The following RERE variants were observed in gnomAD, a reference collection of about 807,000 sequenced individuals.
RERE encodes the protein arginine-glutamic acid dipeptide repeats.
A neutral mutation model predicts 146.1 loss-of-function variants in RERE; 40 were observed. That is an observed-to-expected ratio of 0.27 (90% CI 0.21 to 0.36). The LOEUF is 0.36. Ranked by LOEUF, RERE falls within the 10% of genes least tolerant of loss-of-function variation. The pLI is 1.00. For missense variants in RERE, 1,933 were observed against 2,138.7 expected, an observed-to-expected ratio of 0.90 and a Z score of 1.90; for synonymous variants, 1,003 against 866.0, an observed-to-expected ratio of 1.16 and a Z score of -2.78.
intron 1 of RERE, among the ~76,000 whole-genome samples, chr1:8,735,280 G>A (rs921563227): frequency 4.6e-5 from 7 of 152,180 alleles, no homozygotes; most frequent in African/African-American, 1.7e-4. Context: ...CCTTCCAGCA[G>A]TTAGCATAAG....
At position 8,436,863 on chromosome 1, in the gene RERE, C is replaced by T. The variant is rs573615258; in HGVS notation, c.1204-14056G>A. Among the ~76,000 whole-genome samples the T allele has an allele frequency of 1.3e-3, 192 of 152,312 alleles. 7 individuals are homozygous for T. In the South Asian group the frequency reaches 0.039, roughly 31 times the overall value. On this transcript the variant is annotated intron_variant, in intron 11 of 22. Transcript: ENST00000400908. ...ATTTTACACTGACCGTGCATCTACA[C>T]TTGGGCCAGCACATTGCAGATGCTC...
At chr1:8,541,142 C>T (rs1645795290) in intron 7 of RERE, 72 bp downstream of exon 7, 1 of 800,158 alleles carries the variant, frequency 1.2e-6, no homozygotes, top group Non-Finnish European at 2.1e-6. Flanking sequence ...TACACACACA[C>T]ACACATACAC....
At chr1:8,426,134 T>C (rs1293282364) in intron 11 of RERE, among the ~76,000 whole-genome samples, 2 of 152,156 alleles carry the variant, frequency 1.3e-5, no homozygotes, top group East Asian at 1.9e-4. Flanking sequence ...CAATGTCAAA[T>C]CATAAAGTCC....
chr1:8,538,366 G>A lies in RERE; in HGVS notation c.830+2848C>T, dbSNP rs576833789. On this transcript the variant is annotated intron_variant, in intron 7 of 22. Transcript: ENST00000400908. ...TCATACAGCCTCCTCCCTCACAAAC[G>A]TGAAACAAAGACAGAAACAGAGGTA... 5.3e-5 allele frequency among the ~76,000 whole-genome samples: 8 copies of A among 152,262 alleles called. No individual in the cohort carries two copies. In the South Asian group the frequency reaches 1.5e-3, roughly 28 times the overall value.
intron 12 of RERE, among the ~76,000 whole-genome samples, chr1:8,394,715 T>G (rs1261789967): frequency 6.6e-6 from 1 of 152,124 alleles, no homozygotes; most frequent in African/African-American, 2.4e-5. Context: ...AGTCACCCAA[T>G]TGCTTCAGAA....
At position 8,509,450 on chromosome 1, in the gene RERE, G is replaced by A. The variant is rs868775106; in HGVS notation, c.831-775C>T. 3.0e-3 allele frequency among the ~76,000 whole-genome samples: 434 copies of A among 143,698 alleles called. 2 individuals carry two copies. The highest frequency in any genetic ancestry group is 0.011 in the African/African-American group (416 of 38,502). 94.3% of individuals were successfully genotyped at this position (143,698 alleles called of 152,430 possible). Reference sequence around the variant, plus strand: ...CATCCATCCATCCGTCCGTCCGTCCGTCCATCCAACAAATATTTAAGTACC... The same window carrying A: ...CATCCATCCATCCGTCCGTCCGTCCATCCATCCAACAAATATTTAAGTACC... On this transcript the variant is annotated intron_variant, in intron 7 of 22. Transcript: ENST00000400908.
chr1:8,489,670 AT>A (rs770579610), intron 10 of RERE, among the ~76,000 whole-genome samples: 2 of 152,182 alleles, frequency 1.3e-5, no homozygotes, highest in Non-Finnish European at 2.9e-5. Context: ...TTAAAAAAAA[AT>A]AACTGACAAC....
At chr1:8,632,113 TGAG>T (rs1373314865) in intron 2 of RERE, among the ~76,000 whole-genome samples, 1 of 152,224 alleles carries the variant, frequency 6.6e-6, no homozygotes, top group Non-Finnish European at 1.5e-5. Flanking sequence ...AACTTAATGA[TGAG>T]AACTGATATA....
intron 1 of RERE, among the ~76,000 whole-genome samples, chr1:8,711,278 T>C (rs770265279): frequency 1.3e-4 from 19 of 141,592 alleles, no homozygotes; most frequent in Non-Finnish European, 2.6e-4. Flanking sequence ...AAACAAAAAA[T>C]ACAACTTTCC....
chr1:8,443,145 G>A (rs1403314472), intron 11 of RERE, among the ~76,000 whole-genome samples: 1 of 152,216 alleles, frequency 6.6e-6, no homozygotes, highest in East Asian at 1.9e-4. Flanking sequence ...TGGAACATTT[G>A]CACCCTGGCA....
chr1:8,790,486 A>G (rs1641344656), intron 1 of RERE, among the ~76,000 whole-genome samples: 1 of 152,228 alleles, frequency 6.6e-6, no homozygotes. Context: ...TAAAGCTCCA[A>G]GGTAATCCCT....
At chr1:8,407,822 G>A (rs1187289325) in intron 12 of RERE, among the ~76,000 whole-genome samples, 1 of 152,300 alleles carries the variant, frequency 6.6e-6, no homozygotes, top group Admixed American at 6.5e-5. Context: ...TTGAAACAGA[G>A]AACCACAGGG....
At chr1:8,484,579 C>G (rs1644874955) in intron 10 of RERE, among the ~76,000 whole-genome samples, 1 of 152,054 alleles carries the variant, frequency 6.6e-6, no homozygotes, top group South Asian at 2.1e-4. Context: ...GCCACCATCA[C>G]GTCCAGCTAA....
intron 1 of RERE, among the ~76,000 whole-genome samples, chr1:8,748,474 C>T (rs1313383835): frequency 6.6e-6 from 1 of 152,184 alleles, no homozygotes; most frequent in African/African-American, 2.4e-5. Context: ...CCCTTCCATC[C>T]ATTCTCCATA....
At chr1:8,666,741 C>A (rs1255429683) in intron 1 of RERE, among the ~76,000 whole-genome samples, 1 of 152,182 alleles carries the variant, frequency 6.6e-6, no homozygotes, top group East Asian at 1.9e-4. Context: ...AGCAGATCTG[C>A]AAACTCAGAC....
At chr1:8,793,659 A>G (rs780712253) in intron 1 of RERE, among the ~76,000 whole-genome samples, 3 of 152,248 alleles carry the variant, frequency 2.0e-5, no homozygotes, top group South Asian at 2.1e-4. Flanking sequence ...ACTTAACCAG[A>G]TAACTCTGAG....
rs936936927 is a variant in RERE at position 8,495,266 on chromosome 1, T to C, written c.1005-104A>G. On this transcript the variant is annotated intron_variant, in intron 9 of 22. Transcript: ENST00000400908. ...CATTTCCAGCCCAGAACAAATTCCATTACTACACGCATGATGAACCAGTTC... is the reference window on the plus strand; with the variant it reads ...CATTTCCAGCCCAGAACAAATTCCACTACTACACGCATGATGAACCAGTTC... 11 of 815,828 alleles carry C rather than the reference T, an allele frequency of 1.3e-5. No individual in the cohort carries two copies. In the African/African-American group the frequency reaches 1.9e-4, roughly 14 times the overall value. 50.5% of individuals were successfully genotyped at this position (815,828 alleles called of 1,614,324 possible).
At chr1:8,575,349 A>T (rs1300531944) in intron 4 of RERE, among the ~76,000 whole-genome samples, 3 of 151,522 alleles carry the variant, frequency 2.0e-5, no homozygotes, top group Non-Finnish European at 4.4e-5. Flanking sequence ...TTTCCATAAA[A>T]TATTAACTGA....
chr1:8,756,370 T>G (rs1163094503), intron 1 of RERE, among the ~76,000 whole-genome samples: 1 of 152,198 alleles, frequency 6.6e-6, no homozygotes, highest in African/African-American at 2.4e-5. Flanking sequence ...TTGAAGGATA[T>G]TCAGTGAAGA....
Sources: allele counts gnomAD v4.1 joint callset (sites outside exome capture counted in the v4.1 genomes callset), GRCh38; gene constraint gnomAD v4.1.1; transcripts MANE v1.5; gene names NCBI Gene and HGNC (gene_info 2026-07-23, HGNC 2026-07-21).